ZDHHC13: variants seen among roughly 807,000 people sequenced by gnomAD.
The protein encoded by ZDHHC13 is zDHHC palmitoyltransferase 13.
In ZDHHC13, 85 loss-of-function variants were observed where a neutral mutation model predicts 86.0. The observed-to-expected ratio is 0.99, with a 90% CI of 0.83 to 1.18. The LOEUF is 1.18. Ranked by LOEUF, ZDHHC13 falls within the 50% of genes most tolerant of loss-of-function variation. The pLI is 0.00. For missense variants in ZDHHC13, 711 were observed against 730.2 expected (o/e 0.97, Z 0.30); for synonymous variants, 263 against 246.4 (o/e 1.07, Z -0.63).
intron 1 of ZDHHC13, among the ~76,000 whole-genome samples, chr11:19,119,833 A>G (rs2133352144): frequency 6.6e-6 from 1 of 152,356 alleles, no homozygotes; most frequent in South Asian, 2.1e-4. Context: ...CTTGTCAATG[A>G]ATGAACTTGG....
At chr11:19,123,456 T>A (rs1041916717) in intron 1 of ZDHHC13, among the ~76,000 whole-genome samples, 1 of 151,894 alleles carries the variant, frequency 6.6e-6, no homozygotes, top group African/African-American at 2.4e-5. Flanking sequence ...ACGAGACCAG[T>A]CTGGGCAACA....
At chr11:19,129,888 C>T (rs1206998042) in intron 1 of ZDHHC13, among the ~76,000 whole-genome samples, 7 of 152,008 alleles carry the variant, frequency 4.6e-5, no homozygotes, top group East Asian at 1.9e-4. Context: ...GTCAGGAGAT[C>T]GAGACCATCC....
chr11:19,166,310 A>T lies in ZDHHC13; in HGVS notation c.1399A>T (p.Asn467Tyr), dbSNP rs1362422777. ...TTTTCTTTTTTCTTGAGGTTTTGGC[A>T]ACCATCACTATTACATATTCTTCTT... ...LWTGRCIGFG[N>Y]HHYYIFFLFF... The change falls in exon 14 of 17, where the codon AAC (asparagine) becomes TAC (tyrosine). Residue 467 changes from asparagine to tyrosine, a missense_variant. Coordinates refer to ENST00000446113, the MANE Select transcript of ZDHHC13 (RefSeq NM_019028.3). 3.7e-6 allele frequency: 6 copies of T among 1,608,714 alleles called. No individual in the cohort carries two copies. The highest frequency in any genetic ancestry group is 5.1e-6 in the Non-Finnish European group (6 of 1,178,684).
At chr11:19,164,914 A>G (rs2133464675) in intron 12 of ZDHHC13, 138 bp from the exon 13 acceptor site, 1 of 664,810 alleles carries the variant, frequency 1.5e-6, no homozygotes. Flanking sequence ...AAGGCATTCC[A>G]CAGCCTCTGT....
At chr11:19,162,265 A>C (rs1381753632) in intron 10 of ZDHHC13, among the ~76,000 whole-genome samples, 1 of 152,154 alleles carries the variant, frequency 6.6e-6, no homozygotes, top group Non-Finnish European at 1.5e-5. Context: ...CAGTTGGTTG[A>C]AGTTATAGAA....
At chr11:19,125,896 A>G (rs192786262) in intron 1 of ZDHHC13, among the ~76,000 whole-genome samples, 2 of 152,312 alleles carry the variant, frequency 1.3e-5, no homozygotes, top group Non-Finnish European at 2.9e-5. Flanking sequence ...ATTAATGACA[A>G]CAGATCAGTG....
At chr11:19,164,964 T>C (rs1850017037) in intron 12 of ZDHHC13, 88 bp from the exon 13 acceptor site, 1 of 1,097,504 alleles carries the variant, frequency 9.1e-7, no homozygotes, top group Non-Finnish European at 1.4e-6. Context: ...CCAATGCCTC[T>C]GTGACCTAAA....
At chr11:19,164,235 T>G in intron 11 of ZDHHC13, 66 bp from the exon 12 acceptor site, 1 of 1,514,100 alleles carries the variant, frequency 6.6e-7, no homozygotes, top group Non-Finnish European at 9.1e-7. Context: ...GTGAGAATGG[T>G]GTATAACCAT....
intron 9 of ZDHHC13, 80 bp downstream of exon 9, chr11:19,156,009 C>A: frequency 6.8e-7 from 1 of 1,464,310 alleles, no homozygotes; most frequent in Non-Finnish European, 9.0e-7. Flanking sequence ...TAGCTGGAGT[C>A]ACAGATTTTT....
intron 1 of ZDHHC13, among the ~76,000 whole-genome samples, chr11:19,129,532 AT>A (rs1254917584): frequency 6.6e-6 from 1 of 152,008 alleles, no homozygotes; most frequent in African/African-American, 2.4e-5. Context: ...ATGAATATAT[AT>A]TTTTTACTGT....
chr11:19,169,452 G>A, intron 14 of ZDHHC13: 2 of 985,474 alleles, frequency 2.0e-6, no homozygotes, highest in Middle Eastern at 5.2e-4. Context: ...GATTTAAATG[G>A]ACAGTTGACA....
chr11:19,166,264 C>A (rs374208860), intron 13 of ZDHHC13, 38 bp from the exon 14 acceptor site: 1 of 1,543,212 alleles, frequency 6.5e-7, no homozygotes, highest in Non-Finnish European at 8.8e-7. Flanking sequence ...TCAGAAGAAA[C>A]GAAAATATTA....
At chr11:19,128,359 A>G (rs112966571) in intron 1 of ZDHHC13, among the ~76,000 whole-genome samples, 4,728 of 152,158 alleles carry the variant, frequency 0.031, 240 homozygotes, top group African/African-American at 0.11. Context: ...CCAATACTAT[A>G]GGGTTTTCTA....
At chr11:19,125,639 C>T (rs1037081118) in intron 1 of ZDHHC13, among the ~76,000 whole-genome samples, 12 of 152,130 alleles carry the variant, frequency 7.9e-5, no homozygotes, top group African/African-American at 2.7e-4. Context: ...AGTTTGTCCA[C>T]GAATATTTTT....
intron 1 of ZDHHC13, among the ~76,000 whole-genome samples, chr11:19,133,643 A>G (rs1849053625): frequency 6.6e-6 from 1 of 152,064 alleles, no homozygotes; most frequent in South Asian, 2.1e-4. Flanking sequence ...ATGATAGAGA[A>G]TACGTATGAT....
chr11:19,152,628 G>A lies in ZDHHC13; in HGVS notation c.817G>A (p.Ala273Thr). ...CATTATTCATATGCTAAAAACAGAAGCCAAAATGAGAGCCAACCAAAAGTT... is the reference window on the plus strand; with the variant it reads ...CATTATTCATATGCTAAAAACAGAAACCAAAATGAGAGCCAACCAAAAGTT... ...QLIIHMLKTEAKMRANQKFRL... is the reference protein window; with the variant it reads ...QLIIHMLKTETKMRANQKFRL... The change falls in exon 8 of 17, where the codon GCC (alanine) becomes ACC (threonine). Residue 273 changes from alanine (A) to threonine (T), a missense_variant. Physicochemically the swap from Ala to Thr is moderately conservative, Grantham distance 58. Coordinates refer to ENST00000446113, the MANE Select transcript of ZDHHC13 (RefSeq NM_019028.3). The A allele has an allele frequency of 6.2e-7, 1 of 1,613,292 alleles. No homozygotes were observed. The highest frequency in any genetic ancestry group is 8.5e-7 in the Non-Finnish European group (1 of 1,179,396).
chr11:19,145,450 T>C (rs985834251), intron 2 of ZDHHC13, among the ~76,000 whole-genome samples: 1 of 152,202 alleles, frequency 6.6e-6, no homozygotes, highest in Non-Finnish European at 1.5e-5. Context: ...TTTAAAACCC[T>C]TTATTGGTTT....
At chr11:19,166,574 C>T (rs1370662856) in intron 14 of ZDHHC13, 189 bp downstream of exon 14, 7 of 453,248 alleles carry the variant, frequency 1.5e-5, no homozygotes, top group South Asian at 4.7e-5. Flanking sequence ...GGTTAGTTCT[C>T]AGTACTTTAG....
intron 14 of ZDHHC13, chr11:19,169,807 A>G (rs1850170378): frequency 8.1e-6 from 8 of 985,596 alleles, no homozygotes; most frequent in Non-Finnish European, 9.6e-6. Context: ...AGCTGTGACC[A>G]TCTGAATCTT....
Sources: gnomAD v4.1 joint callset for allele counts (sites outside exome capture counted in the v4.1 genomes callset) on GRCh38, gnomAD v4.1.1 for gene constraint, MANE v1.5 for transcripts, NCBI Gene and HGNC (gene_info 2026-07-23, HGNC 2026-07-21) for gene names.